The following ABCA13 variants were observed in gnomAD, a reference collection of about 807,000 sequenced individuals.
The protein encoded by ABCA13 is ATP binding cassette subfamily A member 13, also known as ATP-binding cassette sub-family A member 13.
In ABCA13, 476 loss-of-function variants were observed where a neutral mutation model predicts 478.7. The ratio of observed to expected loss-of-function variants is 0.99; its 90% CI spans 0.92 to 1.07. ABCA13 has a LOEUF of 1.07. Ranked by LOEUF, ABCA13 falls within the 50% of genes least tolerant of loss-of-function variation. The pLI, the probability that ABCA13 is intolerant of heterozygous loss-of-function variation, is 0.00. For missense variants in ABCA13, 6,060 were observed against 5,910.6 expected (o/e 1.03, Z -0.83); for synonymous variants, 2,252 against 2,158.9 (o/e 1.04, Z -1.20).
rs193125523 is a variant in ABCA13 at position 48,220,420 on chromosome 7, G to A, written c.440-861G>A. ...ACTGGATGTGTTCTATTTTAAATTTGCTAAATCTGATAATCCTAAGTATAT... is the reference window on the plus strand; with the variant it reads ...ACTGGATGTGTTCTATTTTAAATTTACTAAATCTGATAATCCTAAGTATAT... On this transcript the variant is annotated intron_variant, in intron 4 of 61. Coordinates refer to ENST00000435803, the MANE Select transcript of ABCA13 (RefSeq NM_152701.5). 2.0e-3 allele frequency among the ~76,000 whole-genome samples: 297 copies of A among 152,198 alleles called. 1 individual carries two copies. The highest frequency in any genetic ancestry group is 4.2e-3 in the Admixed American group (64 of 15,292).
At chr7:48,228,535 T>G (rs931646027) in intron 6 of ABCA13, among the ~76,000 whole-genome samples, 1 of 152,114 alleles carries the variant, frequency 6.6e-6, no homozygotes, top group Non-Finnish European at 1.5e-5. Flanking sequence ...GACCTACCTA[T>G]GTGCACTGAG....
intron 45 of ABCA13, among the ~76,000 whole-genome samples, chr7:48,480,112 C>T (rs1205650591): frequency 2.0e-5 from 3 of 152,172 alleles, no homozygotes; most frequent in Admixed American, 6.5e-5. Flanking sequence ...GACTGAAATA[C>T]GTTAGATCTC....
At chr7:48,430,220 T>C (rs1390573212) in intron 42 of ABCA13, among the ~76,000 whole-genome samples, 1 of 152,208 alleles carries the variant, frequency 6.6e-6, no homozygotes, top group African/African-American at 2.4e-5. Context: ...ATTTAATTGA[T>C]GTAGGGCTAT....
intron 27 of ABCA13, among the ~76,000 whole-genome samples, chr7:48,320,056 C>T (rs1368028827): frequency 6.6e-6 from 1 of 152,036 alleles, no homozygotes; most frequent in African/African-American, 2.4e-5. Flanking sequence ...TTTTCATGAA[C>T]TGGAAAAAAA....
At chr7:48,389,913 A>C (rs1815780611) in intron 37 of ABCA13, among the ~76,000 whole-genome samples, 1 of 152,264 alleles carries the variant, frequency 6.6e-6, no homozygotes, top group Non-Finnish European at 1.5e-5. Context: ...TGATTAGTTA[A>C]AACAATGAAG....
At chr7:48,407,417 A>C (rs748646005) in intron 39 of ABCA13, among the ~76,000 whole-genome samples, 9 of 150,634 alleles carry the variant, frequency 6.0e-5, no homozygotes, top group Non-Finnish European at 1.3e-4. Flanking sequence ...TGGAGGTTGC[A>C]GTGAGCTGAG....
rs140903744 is a variant in ABCA13, at chr7:48,352,624, G to A, written c.10688+137G>A. ...AGTTCACCCCCCACTTTTTAATTTC[G>A]TAAGGTTCATTTTTTTTATATGCTT... is the stretch of plus-strand genomic sequence containing the variant. On this transcript the variant is annotated intron_variant, in intron 31 of 61. Coordinates refer to ENST00000435803, the MANE Select transcript of ABCA13 (RefSeq NM_152701.5). 809 of 997,984 alleles carry A rather than the reference G, an allele frequency of 8.1e-4. 9 individuals carry two copies. The highest frequency in any genetic ancestry group is 7.2e-3 in the Middle Eastern group (22 of 3,066). The allele number at this position is 997,984 out of a possible 1,614,324, so 61.8% of individuals were successfully genotyped here.
At chr7:48,224,649 T>TA (rs1380274052) in intron 5 of ABCA13, among the ~76,000 whole-genome samples, 1 of 152,158 alleles carries the variant, frequency 6.6e-6, no homozygotes, top group African/African-American at 2.4e-5. Flanking sequence ...TTGTTGGATT[T>TA]AAAAAAACCT....
At chr7:48,219,530 A>T (rs1787027228) in intron 4 of ABCA13, 25 bp downstream of exon 4, 1 of 1,595,752 alleles carries the variant, frequency 6.3e-7, no homozygotes, top group African/African-American at 1.4e-5. Flanking sequence ...CATAACTGTG[A>T]CACTACCTAC....
intron 1 of ABCA13, among the ~76,000 whole-genome samples, chr7:48,187,974 A>G (rs1397928619): frequency 1.3e-5 from 2 of 151,900 alleles, no homozygotes; most frequent in Admixed American, 6.6e-5. Flanking sequence ...ATTGCCACCT[A>G]TACTTGGGGA....
chr7:48,325,218 A>C (rs1036347674), intron 27 of ABCA13, among the ~76,000 whole-genome samples: 1 of 152,150 alleles, frequency 6.6e-6, no homozygotes, highest in Non-Finnish European at 1.5e-5. Context: ...GCCAACTTTT[A>C]GTTTTCCCTG....
At chr7:48,401,477 A>G (rs1817591386) in intron 38 of ABCA13, among the ~76,000 whole-genome samples, 1 of 152,186 alleles carries the variant, frequency 6.6e-6, no homozygotes, top group Non-Finnish European at 1.5e-5. Flanking sequence ...ATTATACTTC[A>G]TCTGTAACAT....
chr7:48,200,587 C>T (rs537457368), intron 3 of ABCA13, among the ~76,000 whole-genome samples: 1 of 152,174 alleles, frequency 6.6e-6, no homozygotes, highest in South Asian at 2.1e-4. Context: ...GAATGAAATT[C>T]CTCACTTTGT....
chr7:48,605,282 T>A (rs1449343694), intron 58 of ABCA13, among the ~76,000 whole-genome samples: 1 of 152,228 alleles, frequency 6.6e-6, no homozygotes, highest in Non-Finnish European at 1.5e-5. Flanking sequence ...TGATGCTAGC[T>A]GGTTATTTTG....
chr7:48,506,072 C>T (rs2130858646), intron 48 of ABCA13, among the ~76,000 whole-genome samples: 1 of 152,306 alleles, frequency 6.6e-6, no homozygotes, highest in Non-Finnish European at 1.5e-5. Context: ...ACATGAGAAC[C>T]TATGAACATA....
intron 55 of ABCA13, among the ~76,000 whole-genome samples, chr7:48,545,329 G>C (rs12718283): frequency 0.053 from 8,107 of 151,646 alleles, 357 homozygotes; most frequent in South Asian, 0.086. Flanking sequence ...TAGGATTAGA[G>C]GTGAAAAGAA....
chr7:48,222,711 T>C (rs1787548633), intron 5 of ABCA13, among the ~76,000 whole-genome samples: 2 of 152,134 alleles, frequency 1.3e-5, no homozygotes. Flanking sequence ...GAAAAAAGAT[T>C]TGTTACAATG....
chr7:48,474,220 A>G (rs114482784), intron 45 of ABCA13, among the ~76,000 whole-genome samples: 2,251 of 152,244 alleles, frequency 0.015, 62 homozygotes, highest in African/African-American at 0.05. Context: ...GCATGGGAGG[A>G]TCACATCACA....
chr7:48,312,137 C>T (rs568040970), intron 24 of ABCA13, among the ~76,000 whole-genome samples: 12 of 152,232 alleles, frequency 7.9e-5, no homozygotes, highest in East Asian at 3.9e-4. Flanking sequence ...GCTGTGATCC[C>T]GGAGCCCTGA....
Sources: allele counts gnomAD v4.1 joint callset (sites outside exome capture counted in the v4.1 genomes callset), GRCh38; gene constraint gnomAD v4.1.1; transcripts MANE v1.5; gene names NCBI Gene and HGNC (gene_info 2026-07-23, HGNC 2026-07-21).